NUBPL: variants seen among roughly 807,000 people sequenced by gnomAD.
NUBPL encodes the protein iron-sulfur cluster transfer protein NUBPL.
Under a neutral mutation model 45.7 loss-of-function variants are expected in NUBPL, and 31 were observed. The observed-to-expected ratio is 0.68, with a 90% CI of 0.51 to 0.92. The LOEUF is 0.92. Among genes scored for constraint, NUBPL ranks in the 40% least tolerant of loss-of-function variants. NUBPL has a pLI of 0.00. For missense variants in NUBPL, 401 were observed against 398.7 expected, an observed-to-expected ratio of 1.01 and a Z score of -0.05; for synonymous variants, 144 against 140.9, an observed-to-expected ratio of 1.02 and a Z score of -0.15.
In NUBPL at chr14:31,625,771, C is replaced by T. The variant is rs138256777; in HGVS notation, c.382+26392C>T. On this transcript the variant is annotated intron_variant, in intron 4 of 10. Coordinates refer to ENST00000281081, the MANE Select transcript of NUBPL (RefSeq NM_025152.3). ...AATTATAGGCATAAGCCACTGTGCC[C>T]GGCTGCTATGTCTGAGGGGTTCATA... 2.8e-4 allele frequency among the ~76,000 whole-genome samples: 42 copies of T among 152,126 alleles called. No individual in the cohort carries two copies. In the East Asian group the frequency reaches 5.6e-3, roughly 20 times the overall value.
At chr14:31,674,177 G>A (rs893670341) in intron 6 of NUBPL, among the ~76,000 whole-genome samples, 3 of 152,072 alleles carry the variant, frequency 2.0e-5, no homozygotes, top group Admixed American at 1.3e-4. Context: ...TTTTTTCTCA[G>A]TAGATTTGAG....
chr14:31,586,136 A>G (rs1396877289), intron 3 of NUBPL, among the ~76,000 whole-genome samples: 1 of 152,176 alleles, frequency 6.6e-6, no homozygotes, highest in East Asian at 1.9e-4. Context: ...CTAAGTGATT[A>G]TGGACAAATT....
At chr14:31,757,764 A>T (rs2038702921) in intron 6 of NUBPL, among the ~76,000 whole-genome samples, 1 of 152,160 alleles carries the variant, frequency 6.6e-6, no homozygotes, top group African/African-American at 2.4e-5. Flanking sequence ...AATTAAATGT[A>T]AAACAAAACA....
chr14:31,858,140 A>G (rs1256607842), intron 10 of NUBPL, among the ~76,000 whole-genome samples: 1 of 152,206 alleles, frequency 6.6e-6, no homozygotes, highest in Non-Finnish European at 1.5e-5. Flanking sequence ...GGATGGTGGC[A>G]GGCAAAAAGA....
chr14:31,604,790 C>T lies in NUBPL; in HGVS notation c.382+5411C>T, dbSNP rs116412504. ...TCATTACCAAGAGAAAGTTTCTGTT[C>T]GATTTTAAAAAAGTGAATTCAGTAA... On this transcript the variant is annotated intron_variant, in intron 4 of 10. Coordinates refer to ENST00000281081, the MANE Select transcript of NUBPL (RefSeq NM_025152.3). Among the ~76,000 whole-genome samples, 1,222 of 152,048 alleles carry T rather than the reference C, an allele frequency of 8.0e-3. 18 individuals are homozygous for T. The highest frequency in any genetic ancestry group is 0.028 in the African/African-American group (1,146 of 41,500).
intron 10 of NUBPL, among the ~76,000 whole-genome samples, chr14:31,852,532 G>A (rs1470524583): frequency 6.6e-6 from 1 of 152,088 alleles, no homozygotes; most frequent in Non-Finnish European, 1.5e-5. Context: ...TTAGCTGGGC[G>A]TGGTGGCACA....
chr14:31,764,310 T>C (rs1469311957), intron 6 of NUBPL, among the ~76,000 whole-genome samples: 2 of 152,194 alleles, frequency 1.3e-5, no homozygotes, highest in African/African-American at 4.8e-5. Context: ...CAAACTGAGA[T>C]GATTTTCACC....
chr14:31,613,741 C>A (rs971139373), intron 4 of NUBPL, among the ~76,000 whole-genome samples: 3 of 152,072 alleles, frequency 2.0e-5, no homozygotes, highest in African/African-American at 7.2e-5. Flanking sequence ...CAGGTGTGAG[C>A]CACTGCGCCC....
chr14:31,623,546 G>A (rs2035124601), intron 4 of NUBPL, among the ~76,000 whole-genome samples: 1 of 152,082 alleles, frequency 6.6e-6, no homozygotes, highest in South Asian at 2.1e-4. Flanking sequence ...TGGATCATGC[G>A]GGATCCCCCC....
intron 4 of NUBPL, among the ~76,000 whole-genome samples, chr14:31,616,905 G>A (rs1469770691): frequency 6.6e-6 from 1 of 152,102 alleles, no homozygotes; most frequent in Non-Finnish European, 1.5e-5. Flanking sequence ...CTATCCATGA[G>A]CATGGAATTT....
At chr14:31,792,857 A>G (rs2039407994) in intron 7 of NUBPL, among the ~76,000 whole-genome samples, 1 of 152,116 alleles carries the variant, frequency 6.6e-6, no homozygotes, top group South Asian at 2.1e-4. Context: ...GCATATCTAA[A>G]AAGGTACCAA....
intron 6 of NUBPL, among the ~76,000 whole-genome samples, chr14:31,750,481 G>A (rs557307847): frequency 2.0e-5 from 3 of 151,564 alleles, no homozygotes; most frequent in Non-Finnish European, 4.4e-5. Flanking sequence ...ACAAGCGTGA[G>A]CCACCGCGCC....
intron 6 of NUBPL, among the ~76,000 whole-genome samples, chr14:31,774,627 A>T (rs899513252): frequency 2.6e-5 from 4 of 152,230 alleles, no homozygotes; most frequent in Non-Finnish European, 4.4e-5. Context: ...ATACAATTTT[A>T]GTTCCCAGTC....
chr14:31,740,425 A>G (rs1373583714), intron 6 of NUBPL, among the ~76,000 whole-genome samples: 1 of 152,174 alleles, frequency 6.6e-6, no homozygotes, highest in Non-Finnish European at 1.5e-5. Context: ...ATCTTTTCAT[A>G]TGCTTATTTG....
intron 6 of NUBPL, among the ~76,000 whole-genome samples, chr14:31,724,890 G>A (rs1435435125): frequency 6.6e-6 from 1 of 152,112 alleles, no homozygotes; most frequent in East Asian, 1.9e-4. Flanking sequence ...ATCTGAGAAG[G>A]TGACATTTAA....
chr14:31,672,630 T>G (rs1463960347), intron 4 of NUBPL, among the ~76,000 whole-genome samples: 1 of 152,140 alleles, frequency 6.6e-6, no homozygotes, highest in East Asian at 1.9e-4. Context: ...GCCCAGCTAA[T>G]TTTTGTATTT....
chr14:31,641,056 A>G (rs996987191), intron 4 of NUBPL, among the ~76,000 whole-genome samples: 2 of 151,952 alleles, frequency 1.3e-5, no homozygotes, highest in Non-Finnish European at 2.9e-5. Context: ...GGTTCAAGTG[A>G]TTCTTCTGCC....
At chr14:31,739,217 ATT>A (rs1491145399) in intron 6 of NUBPL, among the ~76,000 whole-genome samples, 1 of 43,884 alleles carries the variant, frequency 2.3e-5, no homozygotes, top group Non-Finnish European at 5.4e-5. Flanking sequence ...TATATATTAT[ATT>A]ATATATATAT....
At chr14:31,821,235 A>G (rs2040013220) in intron 7 of NUBPL, among the ~76,000 whole-genome samples, 1 of 152,332 alleles carries the variant, frequency 6.6e-6, no homozygotes, top group East Asian at 1.9e-4. Context: ...TAAAGGAACC[A>G]TCAAAGTGAA....
Sources: gnomAD v4.1 joint callset for allele counts (sites outside exome capture counted in the v4.1 genomes callset) on GRCh38, gnomAD v4.1.1 for gene constraint, MANE v1.5 for transcripts, NCBI Gene and HGNC (gene_info 2026-07-23, HGNC 2026-07-21) for gene names.